The following SMOC1 variants were observed in gnomAD, a reference collection of about 807,000 sequenced individuals.
The protein encoded by SMOC1 is SPARC-related modular calcium-binding protein 1.
In SMOC1, 22 loss-of-function variants were observed where a neutral mutation model predicts 56.3. That is an observed-to-expected ratio of 0.39 (90% confidence interval 0.28 to 0.56). The LOEUF (loss-of-function observed/expected upper bound fraction) is 0.56, where lower values mean the gene tolerates loss of function less well. Among genes scored for constraint, SMOC1 ranks in the 20% least tolerant of loss-of-function variants. The pLI is 0.61. For synonymous variants in SMOC1, 193 were observed against 215.0 expected, an observed-to-expected ratio of 0.90 and a Z score of 0.89; for missense variants, 509 against 565.4, an observed-to-expected ratio of 0.90 and a Z score of 1.01.
chr14:69,928,619 G>A (rs1022063931), intron 1 of SMOC1, among the ~76,000 whole-genome samples: 37 of 152,006 alleles, frequency 2.4e-4, no homozygotes, highest in African/African-American at 8.2e-4. Flanking sequence ...GCTCATTGGG[G>A]GGGGGGTCCC....
At position 69,978,047 on chromosome 14, in the gene SMOC1, C is replaced by T. The variant is rs1283925695; in HGVS notation, c.526+82C>T. The T allele has an allele frequency of 4.4e-6, 5 of 1,143,244 alleles. No individual in the cohort carries two copies. In the Admixed American group the frequency reaches 6.8e-5, roughly 15 times the overall value. The allele number at this position is 1,143,244 out of a possible 1,614,324, so 70.8% of individuals were successfully genotyped here. On this transcript the variant is annotated intron_variant, in intron 5 of 11. Coordinates refer to ENST00000361956, the MANE Select transcript of SMOC1 (RefSeq NM_001034852.3). The stretch of plus-strand genomic sequence containing the variant: ...GATTTCTTAGATGAGATAGAAGGAG[C>T]CTGGGGTGAAAGCCTAAGGTGTCCC...
At chr14:69,997,592 G>A (rs1884813595) in intron 7 of SMOC1, among the ~76,000 whole-genome samples, 1 of 152,202 alleles carries the variant, frequency 6.6e-6, no homozygotes, top group Admixed American at 6.5e-5. Flanking sequence ...GAGCATCTGT[G>A]TAATGCCTGG....
At chr14:69,990,495 G>A (rs901668859) in intron 5 of SMOC1, among the ~76,000 whole-genome samples, 11 of 152,176 alleles carry the variant, frequency 7.2e-5, no homozygotes, top group Non-Finnish European at 1.6e-4. Flanking sequence ...CACTGTGCTG[G>A]ACTATTTAGA....
chr14:69,891,634 C>G (rs76349596), intron 1 of SMOC1, among the ~76,000 whole-genome samples: 2,433 of 152,220 alleles, frequency 0.016, 36 homozygotes, highest in Non-Finnish European at 0.022. Context: ...TGCCTTCTCC[C>G]GGCCTGTGCC....
intron 1 of SMOC1, among the ~76,000 whole-genome samples, chr14:69,908,310 T>C (rs887917772): frequency 4.6e-5 from 7 of 152,220 alleles, no homozygotes; most frequent in South Asian, 2.1e-4. Flanking sequence ...GTATTTCTTG[T>C]GTGTATAAAT....
At chr14:69,924,559 T>A (rs974503038) in intron 1 of SMOC1, among the ~76,000 whole-genome samples, 1 of 151,594 alleles carries the variant, frequency 6.6e-6, no homozygotes, top group Non-Finnish European at 1.5e-5. Flanking sequence ...ATGGCCTGGG[T>A]GGAATCCTAC....
intron 7 of SMOC1, among the ~76,000 whole-genome samples, chr14:70,004,309 T>C (rs1001601535): frequency 6.6e-6 from 1 of 152,254 alleles, no homozygotes; most frequent in African/African-American, 2.4e-5. Flanking sequence ...TAGGTCAATT[T>C]GGCTAGGCCA....
chr14:69,890,532 T>C (rs1052266466), intron 1 of SMOC1, among the ~76,000 whole-genome samples: 2 of 152,138 alleles, frequency 1.3e-5, no homozygotes, highest in Non-Finnish European at 2.9e-5. Flanking sequence ...AGCAAAATAA[T>C]AAAGATTAAA....
At chr14:69,920,947 AC>A (rs1884822902) in intron 1 of SMOC1, among the ~76,000 whole-genome samples, 1 of 152,142 alleles carries the variant, frequency 6.6e-6, no homozygotes, top group Admixed American at 6.5e-5. Flanking sequence ...AAGATGGGGA[AC>A]CCTGCTCTGT....
chr14:69,930,234 A>ACTCCCCTGACAGCACCCTTCCCACTCC (rs373896192), intron 1 of SMOC1, among the ~76,000 whole-genome samples: 1 of 148,272 alleles, frequency 6.7e-6, no homozygotes, highest in African/African-American at 2.5e-5. Context: ...CACCCTTCCC[A>ACTCCCCTGACAGCACCCTTCCCACTCC]CCTCTGCACC....
intron 1 of SMOC1, among the ~76,000 whole-genome samples, chr14:69,890,647 G>A (rs1007142985): frequency 1.3e-5 from 2 of 152,166 alleles, no homozygotes; most frequent in South Asian, 2.1e-4. Context: ...CTGTATTCAC[G>A]TTGGGCTAAC....
chr14:69,944,899 T>G (rs1882724634), intron 1 of SMOC1, among the ~76,000 whole-genome samples: 1 of 152,216 alleles, frequency 6.6e-6, no homozygotes, highest in Non-Finnish European at 1.5e-5. Flanking sequence ...TCATTTCCAT[T>G]ATTCCAAGGA....
chr14:69,905,732 T>G (rs964861916), intron 1 of SMOC1, among the ~76,000 whole-genome samples: 4 of 152,058 alleles, frequency 2.6e-5, no homozygotes, highest in African/African-American at 9.7e-5. Flanking sequence ...CAGTTGGATG[T>G]GGAAGGGTGA....
At chr14:69,980,889 C>A (rs951647782) in intron 5 of SMOC1, among the ~76,000 whole-genome samples, 5 of 152,218 alleles carry the variant, frequency 3.3e-5, no homozygotes, top group African/African-American at 9.6e-5. Context: ...GGACGGGACC[C>A]GGGACCCAGC....
rs1193084751 is a variant in SMOC1, at chr14:70,032,323, A to G, written c.*2065A>G. On this transcript the variant is annotated 3_prime_UTR_variant, in exon 12 of 12. Transcript: ENST00000361956. ...CCTTTGTGAAGGAGAGAGGGAAACTATTTGTAGCTTGTTTTATAAAAAATA... is the reference window on the plus strand; with the variant it reads ...CCTTTGTGAAGGAGAGAGGGAAACTGTTTGTAGCTTGTTTTATAAAAAATA... 1 of 152,252 alleles carries G rather than the reference A, an allele frequency of 6.6e-6. No homozygotes were observed. Among genetic ancestry groups the G allele is most frequent in the African/African-American group, 2.4e-5 (1 of 41,476 alleles). 9.4% of individuals were successfully genotyped at this position (152,252 alleles called of 1,614,324 possible).
chr14:69,983,334 A>T (rs1446215881), intron 5 of SMOC1, among the ~76,000 whole-genome samples: 1 of 152,242 alleles, frequency 6.6e-6, no homozygotes, highest in Non-Finnish European at 1.5e-5. Flanking sequence ...GCAAATATTT[A>T]TGGAGAACTT....
At chr14:70,009,539 G>A (rs1210607345) in intron 7 of SMOC1, among the ~76,000 whole-genome samples, 1 of 152,174 alleles carries the variant, frequency 6.6e-6, no homozygotes, top group African/African-American at 2.4e-5. Context: ...CTCTTAAGAA[G>A]GGTATTTTTG....
chr14:69,955,946 C>T (rs1366846393), intron 3 of SMOC1, among the ~76,000 whole-genome samples: 1 of 152,110 alleles, frequency 6.6e-6, no homozygotes. Context: ...TTTCTCCAGG[C>T]TTGTGTGATC....
At position 70,000,710 on chromosome 14, in the gene SMOC1, C is replaced by T. The variant is rs1409702295; in HGVS notation, c.664+6230C>T. 4.6e-5 allele frequency among the ~76,000 whole-genome samples: 7 copies of T among 152,178 alleles called. No homozygotes were observed. The East Asian group carries it at 7.7e-4, about 17-fold the overall frequency. On this transcript the variant is annotated intron_variant, in intron 7 of 11. Transcript: ENST00000361956. ...CTGCCCTGTAGGAACTCAGTCTCTG[C>T]GTGGGAAGGAAGCGGTCACCACTTC...
Sources: allele counts gnomAD v4.1 joint callset (sites outside exome capture counted in the v4.1 genomes callset), GRCh38; gene constraint gnomAD v4.1.1; transcripts MANE v1.5; gene names NCBI Gene and HGNC (gene_info 2026-07-23, HGNC 2026-07-21).